The following NRF1 variants were observed in gnomAD, a reference collection of about 807,000 sequenced individuals.
NRF1 encodes the protein alpha palindromic-binding protein.
In NRF1, 5 loss-of-function variants were observed where a neutral mutation model predicts 58.5. The ratio of observed to expected loss-of-function variants is 0.09; its 90% CI spans 0.04 to 0.18. NRF1 has a LOEUF of 0.18. Ranked by LOEUF, NRF1 falls within the 10% of genes least tolerant of loss-of-function variation. The pLI is 1.00. For missense variants in NRF1, 288 were observed against 657.7 expected (o/e 0.44, Z 6.15); for synonymous variants, 224 against 246.7 (o/e 0.91, Z 0.86).
At chr7:129,744,937 G>A (rs1803937415) in intron 10 of NRF1, among the ~76,000 whole-genome samples, 1 of 139,384 alleles carries the variant, frequency 7.2e-6, no homozygotes, top group African/African-American at 2.5e-5. Flanking sequence ...ACAGGCACAT[G>A]GGGGTTCATT....
chr7:129,750,323 ATC>A (rs1377531069), intron 10 of NRF1, among the ~76,000 whole-genome samples: 1 of 152,226 alleles, frequency 6.6e-6, no homozygotes, highest in Non-Finnish European at 1.5e-5. Context: ...GCATTTAATC[ATC>A]TCTCTTCCAA....
At chr7:129,714,715 C>T (rs577723311) in intron 8 of NRF1, among the ~76,000 whole-genome samples, 2 of 152,094 alleles carry the variant, frequency 1.3e-5, no homozygotes, top group Non-Finnish European at 1.5e-5. Flanking sequence ...AGGGCAAACA[C>T]GAAGGTAACT....
Position 129,711,569 on chromosome 7 carries a change from A to T in NRF1, c.1058A>T (p.Asp353Val). The part of the protein sequence containing the change: ...VAQVNYSAVA[D>V]GEVEQNWATL... The stretch of plus-strand genomic sequence containing the variant: ...CAAGTGAATTATTCTGCCGTGGCTG[A>T]TGGAGAGGTAAGAAAGAGATTCCAT... Residue 353 changes from aspartate to valine, a missense_variant, in exon 8 of 11, where the codon GAT (aspartate) becomes GTT (valine). Asp to Val is a radical substitution (Grantham distance 152, BLOSUM62 -3). Coordinates refer to ENST00000393232, the MANE Select transcript of NRF1 (RefSeq NM_005011.5). 6.2e-7 allele frequency: 1 copy of T among 1,609,254 alleles called. No homozygotes were observed. Among genetic ancestry groups the T allele is most frequent in the Non-Finnish European group, 8.5e-7 (1 of 1,177,240 alleles).
intron 1 of NRF1, among the ~76,000 whole-genome samples, chr7:129,625,243 T>C (rs553387530): frequency 6.6e-6 from 1 of 152,268 alleles, no homozygotes; most frequent in Non-Finnish European, 1.5e-5. Context: ...GTCACTGGAT[T>C]TAGAACCCAC....
At chr7:129,614,111 TTC>T (rs1448882089) in intron 1 of NRF1, among the ~76,000 whole-genome samples, 1 of 152,102 alleles carries the variant, frequency 6.6e-6, no homozygotes, top group Non-Finnish European at 1.5e-5. Flanking sequence ...GTGGAAATAG[TTC>T]TCTTTTTCTT....
At position 129,667,026 on chromosome 7, in the gene NRF1, A is replaced by C. The variant is rs568300538; in HGVS notation, c.224-4403A>C. On this transcript the variant is annotated intron_variant, in intron 2 of 10. Transcript: ENST00000393232. ...TCTGTGATATGTTCTAGTCTGTTCT[A>C]TTTTATTAGAAAAAAATACACTCAT... Among the ~76,000 whole-genome samples, 13 of 152,272 alleles carry C rather than the reference A, an allele frequency of 8.5e-5. No homozygotes were observed. In the South Asian group the frequency reaches 2.7e-3, roughly 32 times the overall value.
At chr7:129,742,571 A>G (rs2116300132) in intron 10 of NRF1, among the ~76,000 whole-genome samples, 1 of 152,336 alleles carries the variant, frequency 6.6e-6, no homozygotes, top group South Asian at 2.1e-4. Context: ...AGGGTGTTAA[A>G]ATAAGTTGAT....
intron 1 of NRF1, among the ~76,000 whole-genome samples, chr7:129,614,241 G>A (rs1389073344): frequency 1.3e-5 from 2 of 151,990 alleles, no homozygotes; most frequent in South Asian, 4.2e-4. Context: ...TCAGCCTCCC[G>A]AGTAGCTGGG....
intron 2 of NRF1, among the ~76,000 whole-genome samples, chr7:129,664,127 G>T (rs754121909): frequency 4.0e-5 from 6 of 151,814 alleles, no homozygotes; most frequent in Non-Finnish European, 7.4e-5. Context: ...AGTGGAGACG[G>T]GAAAGGGGGA....
chr7:129,673,002 GA>G (rs1338705658), intron 3 of NRF1, among the ~76,000 whole-genome samples: 3 of 152,154 alleles, frequency 2.0e-5, no homozygotes, highest in Admixed American at 6.6e-5. Context: ...ACCAGCAAAA[GA>G]ATCTAAGAAG....
At chr7:129,712,748 C>T (rs1247238702) in intron 8 of NRF1, among the ~76,000 whole-genome samples, 1 of 152,144 alleles carries the variant, frequency 6.6e-6, no homozygotes, top group Non-Finnish European at 1.5e-5. Context: ...AAGTTTGGGA[C>T]ACTGAAAAAC....
chr7:129,657,513 T>C lies in NRF1; in HGVS notation c.162T>C (p.Asp54=), dbSNP rs1443802757. The change falls in exon 2 of 11, where the codon GAT becomes GAC. Residue 54 remains aspartate (D), a synonymous_variant. Transcript: ENST00000393232. The part of the protein sequence containing the change: ...SPSSPEDTSY[D]DSDILNSTAA... ...CTTCTCCCGAGGACACCTCTTACGA[T>C]GACTCAGATATACTCAACTCCACAG... 6.2e-7 allele frequency: 1 copy of C among 1,613,942 alleles called. No individual in the cohort carries two copies.
intron 4 of NRF1, among the ~76,000 whole-genome samples, chr7:129,679,765 A>G (rs1802264595): frequency 6.6e-6 from 1 of 151,824 alleles, no homozygotes; most frequent in African/African-American, 2.4e-5. Context: ...CAATTTAAAA[A>G]TAGGCAAAAG....
At chr7:129,691,349 T>TTTATTA (rs61017777) in intron 5 of NRF1, among the ~76,000 whole-genome samples, 1 of 137,556 alleles carries the variant, frequency 7.3e-6, no homozygotes, top group African/African-American at 2.7e-5. Context: ...TATTTATTTA[T>TTTATTA]TTATTATTAT....
chr7:129,613,429 T>C (rs974530244), intron 1 of NRF1, among the ~76,000 whole-genome samples: 1 of 152,174 alleles, frequency 6.6e-6, no homozygotes, highest in African/African-American at 2.4e-5. Context: ...ATTTCCTTAT[T>C]TTATGAGTCC....
chr7:129,702,973 A>G (rs954204764), intron 5 of NRF1, among the ~76,000 whole-genome samples: 4 of 152,218 alleles, frequency 2.6e-5, no homozygotes, highest in African/African-American at 9.6e-5. Flanking sequence ...AGGATAATGC[A>G]TTGTTGGATA....
intron 1 of NRF1, among the ~76,000 whole-genome samples, chr7:129,638,144 T>G: frequency 6.6e-6 from 1 of 152,012 alleles, no homozygotes; most frequent in East Asian, 1.9e-4. Flanking sequence ...GGTTGTGATA[T>G]GTGGTGTTTT....
At chr7:129,630,422 A>G (rs1801022482) in intron 1 of NRF1, among the ~76,000 whole-genome samples, 1 of 152,150 alleles carries the variant, frequency 6.6e-6, no homozygotes, top group Non-Finnish European at 1.5e-5. Context: ...AGGGTCCTCA[A>G]CTAGGATGGA....
intron 10 of NRF1, among the ~76,000 whole-genome samples, chr7:129,733,012 A>G (rs1216813442): frequency 2.6e-5 from 4 of 151,796 alleles, no homozygotes; most frequent in Non-Finnish European, 5.9e-5. Context: ...CAGAGGTTGC[A>G]GTGAGCTGAG....
Sources: gnomAD v4.1 joint callset for allele counts (sites outside exome capture counted in the v4.1 genomes callset) on GRCh38, gnomAD v4.1.1 for gene constraint, MANE v1.5 for transcripts, NCBI Gene and HGNC (gene_info 2026-07-23, HGNC 2026-07-21) for gene names.